The following SNRPN variants were observed in gnomAD, a reference collection of about 807,000 sequenced individuals.
SNRPN encodes the protein small nuclear ribonucleoprotein-associated protein N.
SNRPN carries 7 observed loss-of-function variants against 25.2 expected under a neutral mutation model. The ratio of observed to expected loss-of-function variants is 0.28; its 90% CI spans 0.16 to 0.52. SNRPN has a LOEUF of 0.52. Among genes scored for constraint, SNRPN ranks in the 20% least tolerant of loss-of-function variants. The probability of loss-of-function intolerance (pLI) is 0.96; values close to 1 mark genes in which losing one functional copy is unlikely to be tolerated. For synonymous variants in SNRPN, 124 were observed against 110.6 expected (o/e 1.12, Z -0.76); for missense variants, 196 against 322.5 (o/e 0.61, Z 3.00).
At chr15:24,874,822 C>T (rs1595609986) in intron 1 of SNRPN, among the ~76,000 whole-genome samples, 1 of 152,150 alleles carries the variant, frequency 6.6e-6, no homozygotes, top group East Asian at 1.9e-4. Flanking sequence ...TGGGGTAAAT[C>T]ATGGACAGGG....
chr15:24,893,539 G>T (rs2057846235), intron 2 of SNRPN, among the ~76,000 whole-genome samples: 1 of 151,766 alleles, frequency 6.6e-6, no homozygotes, highest in Non-Finnish European at 1.5e-5. Flanking sequence ...GATCACCTGA[G>T]CCCAGGAGGT....
At chr15:24,832,899 G>A (rs964521930) in intron 2 of SNRPN, among the ~76,000 whole-genome samples, 11 of 151,908 alleles carry the variant, frequency 7.2e-5, no homozygotes, top group African/African-American at 2.7e-4. Context: ...GAGGTCAGGA[G>A]ATCGAGGCCA....
At chr15:24,902,301 A>G (rs1027608822) in intron 2 of SNRPN, among the ~76,000 whole-genome samples, 2 of 152,222 alleles carry the variant, frequency 1.3e-5, no homozygotes. Flanking sequence ...GGGGAATTTC[A>G]GATGTATAGG....
intron 1 of SNRPN, among the ~76,000 whole-genome samples, chr15:24,864,890 T>A (rs1412640255): frequency 6.6e-6 from 1 of 152,050 alleles, no homozygotes; most frequent in Non-Finnish European, 1.5e-5. Context: ...TTATTGGGGT[T>A]TTAGGGTATA....
chr15:24,957,242 T>C (rs2063084136), intron 1 of SNRPN, among the ~76,000 whole-genome samples: 1 of 152,204 alleles, frequency 6.6e-6, no homozygotes, highest in Non-Finnish European at 1.5e-5. Context: ...TCGTGATGGC[T>C]CTTCCCGACT....
Position 24,924,945 on chromosome 15 carries a change from G to A in SNRPN, c.-391+4821G>A, listed in dbSNP as rs1484026410. ...CCACGTGAAAACTGGGATGATAAATGTCTGCATGTCTGACAGAAGGTTTGG... is the reference window on the plus strand; with the variant it reads ...CCACGTGAAAACTGGGATGATAAATATCTGCATGTCTGACAGAAGGTTTGG... On this transcript the variant is annotated intron_variant, in intron 3 of 11. Transcript: ENST00000400097. Among the ~76,000 whole-genome samples, 3 of 152,264 alleles carry A rather than the reference G, an allele frequency of 2.0e-5. No individual in the cohort carries two copies. In the East Asian group the frequency reaches 5.8e-4, roughly 29 times the overall value.
intron 4 of SNRPN, chr15:24,975,074 C>T (rs1406101401): frequency 1.5e-6 from 1 of 675,600 alleles, no homozygotes; most frequent in Non-Finnish European, 2.7e-6. Context: ...GTTTGGTTTA[C>T]TTAGGGGAGT....
intron 3 of SNRPN, among the ~76,000 whole-genome samples, chr15:24,931,381 C>T (rs941697877): frequency 3.9e-5 from 6 of 152,056 alleles, no homozygotes; most frequent in African/African-American, 1.4e-4. Context: ...TGAAGAAAGT[C>T]CAGCATGAAC....
chr15:24,912,951 T>C (rs1192414978), intron 2 of SNRPN, among the ~76,000 whole-genome samples: 2 of 152,174 alleles, frequency 1.3e-5, no homozygotes, highest in East Asian at 3.9e-4. Context: ...TATTTATTTA[T>C]TTTTTTGAGA....
At chr15:24,871,254 G>T (rs2055094839) in intron 1 of SNRPN, among the ~76,000 whole-genome samples, 1 of 151,692 alleles carries the variant, frequency 6.6e-6, no homozygotes, top group African/African-American at 2.4e-5. Context: ...AGTTATGCAG[G>T]GTTTCAAAAA....
chr15:24,879,330 G>A (rs1192783929), intron 1 of SNRPN, among the ~76,000 whole-genome samples: 2 of 151,838 alleles, frequency 1.3e-5, no homozygotes, highest in Middle Eastern at 3.2e-3. Flanking sequence ...CTAGCTACTC[G>A]GGAGGCTGAG....
chr15:24,956,809 C>T (rs760354338), intron 1 of SNRPN, among the ~76,000 whole-genome samples: 15 of 152,148 alleles, frequency 9.9e-5, no homozygotes, highest in Non-Finnish European at 1.9e-4. Context: ...GGCTAGAGGC[C>T]AGGCATTTGT....
intron 1 of SNRPN, among the ~76,000 whole-genome samples, chr15:24,862,407 C>G (rs956387186): frequency 9.3e-5 from 14 of 150,568 alleles, no homozygotes; most frequent in Non-Finnish European, 1.6e-4. Flanking sequence ...CACATCCTGA[C>G]CTGAGAACAG....
upstream of SNRPN, chr15:24,954,827 G>A (rs767249842): frequency 1.1e-5 from 7 of 625,648 alleles, no homozygotes; most frequent in Non-Finnish European, 2.0e-5. Flanking sequence ...GGCCCTAGGG[G>A]TCCAGTAGCC....
At chr15:24,920,864 A>C (rs2059986927) in intron 3 of SNRPN, among the ~76,000 whole-genome samples, 1 of 152,244 alleles carries the variant, frequency 6.6e-6, no homozygotes, top group South Asian at 2.1e-4. Flanking sequence ...AGCGAAGCTC[A>C]GACATCATTT....
At chr15:24,931,870 ACTTTGCTTCACCC>A in intron 3 of SNRPN, among the ~76,000 whole-genome samples, 1 of 115,450 alleles carries the variant, frequency 8.7e-6, no homozygotes, top group African/African-American at 2.9e-5. Flanking sequence ...AAAAAAAAAG[ACTTTGCTTCACCC>A]ACAAAGGGAA....
chr15:24,894,838 G>A (rs941799361), intron 2 of SNRPN, among the ~76,000 whole-genome samples: 2 of 152,098 alleles, frequency 1.3e-5, no homozygotes, highest in African/African-American at 4.8e-5. Context: ...TGTCCCAGCT[G>A]TCCCTTTCTC....
intron 3 of SNRPN, among the ~76,000 whole-genome samples, chr15:24,943,687 C>G (rs2061699629): frequency 6.6e-6 from 1 of 152,104 alleles, no homozygotes; most frequent in Non-Finnish European, 1.5e-5. Flanking sequence ...GGGTAGTTAA[C>G]TACAGAGGAT....
intron 1 of SNRPN, among the ~76,000 whole-genome samples, chr15:24,863,951 T>C (rs1403709754): frequency 6.6e-6 from 1 of 150,702 alleles, no homozygotes; most frequent in Non-Finnish European, 1.5e-5. Flanking sequence ...AAGTTTCCTA[T>C]GGAGGAAATT....
Sources: gnomAD v4.1 joint callset for allele counts (sites outside exome capture counted in the v4.1 genomes callset) on GRCh38, gnomAD v4.1.1 for gene constraint, MANE v1.5 for transcripts, NCBI Gene and HGNC (gene_info 2026-07-23, HGNC 2026-07-21) for gene names.